The following SLC26A11 variants were observed in gnomAD, a reference collection of about 807,000 sequenced individuals.
The protein encoded by SLC26A11 is solute carrier family 26 member 11.
SLC26A11 carries 58 observed loss-of-function variants against 62.2 expected under a neutral mutation model. The ratio of observed to expected loss-of-function variants is 0.93; its 90% CI spans 0.76 to 1.16. SLC26A11 has a LOEUF of 1.16. SLC26A11 is among the 50% of genes most tolerant of loss of function. The probability of loss-of-function intolerance (pLI) is 0.00; values close to 1 mark genes in which losing one functional copy is unlikely to be tolerated. For synonymous variants in SLC26A11, 411 were observed against 368.9 expected (o/e 1.11, Z -1.31); for missense variants, 790 against 794.3 (o/e 0.99, Z 0.06).
Position 80,223,259 on chromosome 17 carries a change from G to A in SLC26A11, c.435G>A (p.Leu145=). ...CCCCTCTTGGCTGGCCAGGGTTCCT[G>A]CTGGACTTCATTTCCTACCCCGTCA... ...LAMGVLRLGF[L]LDFISYPVIK... is the part of the protein sequence containing the mutation. Residue 145 remains leucine, a synonymous_variant, in exon 5 of 18, where the codon CTG becomes CTA. Coordinates refer to ENST00000361193, the MANE Select transcript of SLC26A11 (RefSeq NM_001166347.2). This position sits in a 1 kb window ranked among gnomAD's most constrained non-coding sequence, Gnocchi z 4.6. The A allele has an allele frequency of 6.2e-7, 1 of 1,614,118 alleles. No individual in the cohort carries two copies.
intron 7 of SLC26A11, among the ~76,000 whole-genome samples, chr17:80,231,961 C>T (rs1197759841): frequency 1.3e-5 from 2 of 152,148 alleles, no homozygotes; most frequent in African/African-American, 4.8e-5. Flanking sequence ...TTGGTTATCT[C>T]AGGCTACTAT....
chr17:80,229,758 T>C (rs2042512365), intron 7 of SLC26A11, among the ~76,000 whole-genome samples: 1 of 152,148 alleles, frequency 6.6e-6, no homozygotes, highest in African/African-American at 2.4e-5. Flanking sequence ...ACCTTGAGAC[T>C]CAGAGTGTGG....
chr17:80,248,688 G>C lies in SLC26A11; in HGVS notation c.1522+14G>C, dbSNP rs1451066431. 5 of 1,556,186 alleles carry C rather than the reference G, an allele frequency of 3.2e-6. No individual in the cohort carries two copies. Among genetic ancestry groups the C allele is most frequent in the Non-Finnish European group, 4.3e-6 (5 of 1,149,796 alleles). On this transcript the variant is annotated intron_variant, in intron 15 of 17. Coordinates refer to ENST00000361193, the MANE Select transcript of SLC26A11 (RefSeq NM_001166347.2). Reference sequence around the variant, plus strand: ...GGGCCCTGGAAGGTGCATGGGCGGGGGTCAAGGTGGTCTGAGGTCACTCCC... The same window carrying C: ...GGGCCCTGGAAGGTGCATGGGCGGGCGTCAAGGTGGTCTGAGGTCACTCCC...
chr17:80,226,349 G>T (rs2042410653), intron 6 of SLC26A11, among the ~76,000 whole-genome samples: 2 of 152,128 alleles, frequency 1.3e-5, no homozygotes, highest in African/African-American at 4.8e-5. Context: ...TGCAGGGACG[G>T]CAGGTGGAGC....
intron 9 of SLC26A11, among the ~76,000 whole-genome samples, chr17:80,237,880 T>C (rs898881144): frequency 1.3e-5 from 2 of 152,246 alleles, no homozygotes; most frequent in African/African-American, 4.8e-5. Flanking sequence ...ATGTCCACGG[T>C]GTAAACGCTG....
At chr17:80,235,715 T>C (rs2042674109) in intron 7 of SLC26A11, among the ~76,000 whole-genome samples, 2 of 152,248 alleles carry the variant, frequency 1.3e-5, no homozygotes, top group African/African-American at 4.8e-5. Flanking sequence ...CTAGACTTTG[T>C]GAGTTTGAGG....
At chr17:80,227,988 G>A (rs2042458286) in intron 7 of SLC26A11, 28 bp downstream of exon 7, 4 of 1,590,694 alleles carry the variant, frequency 2.5e-6, no homozygotes, top group Non-Finnish European at 3.4e-6. Context: ...GACATCTTAT[G>A]CAACCTTGGC....
chr17:80,235,643 A>G (rs2042672707), intron 7 of SLC26A11, among the ~76,000 whole-genome samples: 1 of 152,266 alleles, frequency 6.6e-6, no homozygotes, highest in African/African-American at 2.4e-5. Flanking sequence ...GGCATGGGCC[A>G]CTGCACCCAG....
At chr17:80,230,852 T>C (rs1294085886) in intron 7 of SLC26A11, among the ~76,000 whole-genome samples, 1 of 152,192 alleles carries the variant, frequency 6.6e-6, no homozygotes. Context: ...AGAATGAGTT[T>C]ATTATTTTTT....
In SLC26A11 at chr17:80,252,521, AC is replaced by A. The variant is rs2043182067; in HGVS notation, c.1730-102del. ...GGTGGCCCACAGCTCCTTCCTGCAC[AC>A]CTTCCAGGACTCTGGAAGGCCCTCC... On this transcript the variant is annotated intron_variant, in intron 17 of 17. Transcript: ENST00000361193. The surrounding 1 kb of genome is among the most constrained non-coding windows in gnomAD (Gnocchi z 5.2). 9.8e-7 allele frequency: 1 copy of A among 1,023,384 alleles called. No individual in the cohort carries two copies. The highest frequency in any genetic ancestry group is 2.4e-5 in the Admixed American group (1 of 42,280). The allele number at this position is 1,023,384 out of a possible 1,614,324, so 63.4% of individuals were successfully genotyped here.
intron 5 of SLC26A11, among the ~76,000 whole-genome samples, chr17:80,224,491 C>T (rs932365448): frequency 3.3e-5 from 5 of 151,884 alleles, no homozygotes; most frequent in Admixed American, 1.3e-4. Context: ...ATAAAGTAGA[C>T]ACTTTTTGCA....
chr17:80,236,880 A>C (rs1293676490), intron 7 of SLC26A11, 48 bp from the exon 8 acceptor site: 4 of 1,572,786 alleles, frequency 2.5e-6, no homozygotes, highest in Non-Finnish European at 3.5e-6. Context: ...GCGCTACCCC[A>C]CACTCGCCGG....
rs1048590699 is a variant in SLC26A11, at chr17:80,228,997, C to G, written c.736+1037C>G. ...GGGCATGGGTCCCCTGGCTGAGCAC[C>G]GGGCAGGGATGCCCAGAGAAGAAGG... On this transcript the variant is annotated intron_variant, in intron 7 of 17. Coordinates refer to ENST00000361193, the MANE Select transcript of SLC26A11 (RefSeq NM_001166347.2). This position sits in a 1 kb window ranked among gnomAD's most constrained non-coding sequence, Gnocchi z 4.1. 6.6e-6 allele frequency among the ~76,000 whole-genome samples: 1 copy of G among 152,144 alleles called. No homozygotes were observed. The highest frequency in any genetic ancestry group is 2.4e-5 in the African/African-American group (1 of 41,424).
chr17:80,225,732 C>A, intron 5 of SLC26A11, 105 bp from the exon 6 acceptor site: 1 of 1,007,220 alleles, frequency 9.9e-7, no homozygotes. Flanking sequence ...GGGAGCAGGG[C>A]CGGGGGACAC....
chr17:80,225,767 C>G, intron 5 of SLC26A11, 70 bp from the exon 6 acceptor site: 2 of 1,350,392 alleles, frequency 1.5e-6, no homozygotes, highest in South Asian at 1.2e-5. Context: ...GGGAGGTGGG[C>G]GGGGAGCTGG....
Position 80,253,029 on chromosome 17 carries a change from C to T in SLC26A11, c.*313C>T. 5.0e-6 allele frequency: 1 copy of T among 198,798 alleles called. No individual in the cohort carries two copies. Among genetic ancestry groups the T allele is most frequent in the Non-Finnish European group, 1.0e-5 (1 of 96,756 alleles). The allele number at this position is 198,798 out of a possible 1,614,324, so 12.3% of individuals were successfully genotyped here. A position where few individuals can be genotyped will look rare whatever the true frequency, so the allele number is the denominator to read the frequency against. On this transcript the variant is annotated 3_prime_UTR_variant, in exon 18 of 18. Coordinates refer to ENST00000361193, the MANE Select transcript of SLC26A11 (RefSeq NM_001166347.2). ...AGGAAGCAGGGGCAGGGGTTTCCAG[C>T]CCGGGCTGTGCGAGGCATCCTGGGG...
At position 80,245,183 on chromosome 17, in the gene SLC26A11, G is replaced by A. The variant is rs1485250487; in HGVS notation, c.1037-13G>A. 8.7e-6 allele frequency: 14 copies of A among 1,613,238 alleles called. No individual in the cohort carries two copies. The highest frequency in any genetic ancestry group is 1.2e-5 in the Non-Finnish European group (14 of 1,179,778). ...CTTCCCTCCACGATCAGCCTGTCTT[G>A]CCTCCTCCCCAGGTCTCACCAACAT... On this transcript the variant is annotated splice_polypyrimidine_tract_variant and intron_variant, in intron 10 of 17. Coordinates refer to ENST00000361193, the MANE Select transcript of SLC26A11 (RefSeq NM_001166347.2).
rs112024057 is a variant in SLC26A11, at chr17:80,242,872, C to T, written c.1036+1051C>T. On this transcript the variant is annotated intron_variant, in intron 10 of 17. Transcript: ENST00000361193. ...TACAGGCGTGTGCCACCACGCCTGG[C>T]TACTTTTTGTATTTTTAGTAGAGAC... Among the ~76,000 whole-genome samples, 1,326 of 152,230 alleles carry T rather than the reference C, an allele frequency of 8.7e-3. 13 individuals carry two copies. The highest frequency in any genetic ancestry group is 0.029 in the African/African-American group (1,211 of 41,538).
In SLC26A11 at chr17:80,223,075, A is replaced by G. The variant is rs924068749; in HGVS notation, c.428-177A>G. 2.6e-5 allele frequency: 19 copies of G among 731,698 alleles called. 1 individual carries two copies. Among genetic ancestry groups the G allele is most frequent in the Middle Eastern group, 5.3e-4 (2 of 3,756 alleles). The allele number at this position is 731,698 out of a possible 1,614,324, so 45.3% of individuals were successfully genotyped here. Reference sequence around the variant, plus strand: ...AGAAGTGCCTGTGGCCTCAGACCCCAGTCTCCCTTTTCTGCTCTCCAAAAA... The same window carrying G: ...AGAAGTGCCTGTGGCCTCAGACCCCGGTCTCCCTTTTCTGCTCTCCAAAAA... On this transcript the variant is annotated intron_variant, in intron 4 of 17. Transcript: ENST00000361193. The surrounding 1 kb of genome is among the most constrained non-coding windows in gnomAD (Gnocchi z 4.6).
Sources: allele counts gnomAD v4.1 joint callset (sites outside exome capture counted in the v4.1 genomes callset), GRCh38; gene constraint gnomAD v4.1.1; non-coding constraint Gnocchi (gnomAD v3.1); transcripts MANE v1.5; gene names NCBI Gene and HGNC (gene_info 2026-07-23, HGNC 2026-07-21).